The following SPIDR variants were observed in gnomAD, a reference collection of about 807,000 sequenced individuals.
The protein encoded by SPIDR is DNA repair-scaffolding protein.
In SPIDR, 93 loss-of-function variants were observed where a neutral mutation model predicts 104.6. The ratio of observed to expected loss-of-function variants is 0.89; its 90% CI spans 0.75 to 1.06. The LOEUF is 1.06. Among genes scored for constraint, SPIDR ranks in the 50% least tolerant of loss-of-function variants. The pLI, the probability that SPIDR is intolerant of heterozygous loss-of-function variation, is 0.00. For synonymous variants in SPIDR, 431 were observed against 416.9 expected (o/e 1.03, Z -0.41); for missense variants, 1,154 against 1,111.2 (o/e 1.04, Z -0.55).
At chr8:47,503,923 G>T (rs1156409712) in intron 8 of SPIDR, among the ~76,000 whole-genome samples, 1 of 152,150 alleles carries the variant, frequency 6.6e-6, no homozygotes, top group Non-Finnish European at 1.5e-5. Flanking sequence ...TGAAATTCTG[G>T]GTTGAAAATT....
At chr8:47,701,333 G>T (rs2080148309) in intron 12 of SPIDR, among the ~76,000 whole-genome samples, 1 of 152,200 alleles carries the variant, frequency 6.6e-6, no homozygotes, top group Non-Finnish European at 1.5e-5. Context: ...TCGGGAGGCT[G>T]AGGCAGGAGA....
chr8:47,506,589 A>C (rs1260909677), intron 8 of SPIDR, among the ~76,000 whole-genome samples: 1 of 151,874 alleles, frequency 6.6e-6, no homozygotes, highest in African/African-American at 2.4e-5. Flanking sequence ...ATGCATAAAT[A>C]TATACTTGCC....
chr8:47,733,396 A>T (rs2085593937), intron 19 of SPIDR, among the ~76,000 whole-genome samples: 1 of 152,232 alleles, frequency 6.6e-6, no homozygotes, highest in South Asian at 2.1e-4. Context: ...CAAAAAAAGT[A>T]ATAAAAAATT....
chr8:47,283,047 G>C (rs932288876), intron 2 of SPIDR, among the ~76,000 whole-genome samples: 1 of 151,964 alleles, frequency 6.6e-6, no homozygotes, highest in Non-Finnish European at 1.5e-5. Flanking sequence ...GTAGAGATGG[G>C]GTTTCACCAT....
At chr8:47,522,933 T>G (rs530089138) in intron 8 of SPIDR, among the ~76,000 whole-genome samples, 1 of 152,170 alleles carries the variant, frequency 6.6e-6, no homozygotes, top group Admixed American at 6.5e-5. Flanking sequence ...AGATTTAAAG[T>G]GATCTTTTTT....
intron 10 of SPIDR, among the ~76,000 whole-genome samples, chr8:47,646,888 C>T (rs184041058): frequency 6.6e-5 from 10 of 152,004 alleles, no homozygotes; most frequent in East Asian, 1.9e-4. Context: ...AATGTTTAGA[C>T]GTTATATATA....
At chr8:47,726,192 T>C (rs1283337742) in intron 16 of SPIDR, among the ~76,000 whole-genome samples, 1 of 152,266 alleles carries the variant, frequency 6.6e-6, no homozygotes, top group Non-Finnish European at 1.5e-5. Flanking sequence ...GGGCAGCCTT[T>C]TCAAAATCAA....
intron 7 of SPIDR, among the ~76,000 whole-genome samples, chr8:47,431,307 A>G (rs2067327831): frequency 6.6e-6 from 1 of 152,212 alleles, no homozygotes; most frequent in Non-Finnish European, 1.5e-5. Context: ...CCATCTCCAA[A>G]TACAACCAGA....
chr8:47,351,224 T>C (rs953171484), intron 5 of SPIDR, among the ~76,000 whole-genome samples: 5 of 152,252 alleles, frequency 3.3e-5, no homozygotes, highest in Non-Finnish European at 5.9e-5. Flanking sequence ...AGCTTCATCA[T>C]AGGCATGTAT....
chr8:47,602,083 G>T (rs79301412), intron 10 of SPIDR, among the ~76,000 whole-genome samples: 1 of 152,322 alleles, frequency 6.6e-6, no homozygotes, highest in African/African-American at 2.4e-5. Context: ...TTAGCAGTAT[G>T]CATTCTAAGG....
intron 10 of SPIDR, among the ~76,000 whole-genome samples, chr8:47,623,003 G>A (rs577255243): frequency 6.6e-6 from 1 of 152,270 alleles, no homozygotes; most frequent in South Asian, 2.1e-4. Flanking sequence ...CTACGCCCTA[G>A]TCTGTCCATC....
Position 47,642,448 on chromosome 8 carries a change from A to G in SPIDR, c.1545-31353A>G, listed in dbSNP as rs202190695. On this transcript the variant is annotated intron_variant, in intron 10 of 19. Transcript: ENST00000297423. ...AAAAAAAAAAGAAAAAGAATTCGAC[A>G]TGTGCTTGCTATGTGAGGCCAGTGA... Among the ~76,000 whole-genome samples, 6 of 151,684 alleles carry G rather than the reference A, an allele frequency of 4.0e-5. No individual in the cohort carries two copies. In the East Asian group the frequency reaches 9.6e-4, roughly 24 times the overall value.
chr8:47,642,393 G>A (rs1478276008), intron 10 of SPIDR, among the ~76,000 whole-genome samples: 1 of 150,022 alleles, frequency 6.7e-6, no homozygotes, highest in Non-Finnish European at 1.5e-5. Context: ...TCCAGCCTGG[G>A]CGACAGAGCG....
chr8:47,449,442 G>C (rs1552666), intron 8 of SPIDR, among the ~76,000 whole-genome samples: 7,419 of 152,262 alleles, frequency 0.049, 598 homozygotes, highest in African/African-American at 0.17. Context: ...GTAGAGGACA[G>C]AGGTGGAGCC....
In SPIDR at chr8:47,579,192, T is replaced by C. The variant is rs2059451787; in HGVS notation, c.1098-16619T>C. On this transcript the variant is annotated intron_variant, in intron 8 of 19. Transcript: ENST00000297423. ...TTGACATTGCCTTGTCAGAGTCATA[T>C]TTCATGCTGGTGTACTGATGCAGGT... is the stretch of plus-strand genomic sequence containing the variant. Among the ~76,000 whole-genome samples the C allele has an allele frequency of 7.9e-5, 12 of 152,330 alleles. 1 individual carries two copies. The South Asian group carries it at 2.5e-3, about 32-fold the overall frequency.
intron 14 of SPIDR, among the ~76,000 whole-genome samples, chr8:47,704,314 A>G (rs2080762690): frequency 6.6e-6 from 1 of 152,224 alleles, no homozygotes; most frequent in African/African-American, 2.4e-5. Flanking sequence ...TCATGTACAT[A>G]TCATTTTATC....
At chr8:47,377,354 G>A (rs1196099165) in intron 5 of SPIDR, among the ~76,000 whole-genome samples, 4 of 152,140 alleles carry the variant, frequency 2.6e-5, no homozygotes, top group African/African-American at 9.7e-5. Context: ...TTGCTAGAAG[G>A]AGTCCTAGGA....
At chr8:47,598,892 C>A in intron 9 of SPIDR, 54 bp from the exon 10 acceptor site, 1 of 1,604,624 alleles carries the variant, frequency 6.2e-7, no homozygotes, top group Non-Finnish European at 8.5e-7. Context: ...TTGTTGTTAG[C>A]CGAACTGAAA....
At chr8:47,291,738 T>C (rs2039936579) in intron 4 of SPIDR, among the ~76,000 whole-genome samples, 1 of 152,210 alleles carries the variant, frequency 6.6e-6, no homozygotes, top group Non-Finnish European at 1.5e-5. Context: ...GCCAGTTCTT[T>C]CAACGTCTAC....
Sources: allele counts gnomAD v4.1 joint callset (sites outside exome capture counted in the v4.1 genomes callset), GRCh38; gene constraint gnomAD v4.1.1; transcripts MANE v1.5; gene names NCBI Gene and HGNC (gene_info 2026-07-23, HGNC 2026-07-21).